Variants in VGLL4 observed in about 807,000 individuals in gnomAD.
VGLL4 encodes the protein transcription cofactor vestigial-like protein 4.
A neutral mutation model predicts 21.0 loss-of-function variants in VGLL4; 7 were observed. That is an observed-to-expected ratio of 0.33 (90% confidence interval 0.19 to 0.63). VGLL4 has a LOEUF of 0.63. Among genes scored for constraint, VGLL4 ranks in the 20% least tolerant of loss-of-function variants. VGLL4 has a pLI of 0.78. For missense variants in VGLL4, 394 were observed against 425.7 expected (o/e 0.93, Z 0.66); for synonymous variants, 222 against 173.2 (o/e 1.28, Z -2.21).
intron 2 of VGLL4, among the ~76,000 whole-genome samples, chr3:11,660,501 C>A (rs777504927): frequency 1.3e-5 from 2 of 152,198 alleles, no homozygotes; most frequent in Non-Finnish European, 2.9e-5. Flanking sequence ...ATTGTCAATG[C>A]CAGCTTCTAC....
At chr3:11,654,900 A>G (rs1437881980) in intron 2 of VGLL4, among the ~76,000 whole-genome samples, 2 of 152,242 alleles carry the variant, frequency 1.3e-5, no homozygotes, top group Non-Finnish European at 2.9e-5. Flanking sequence ...GTTTTTGTTG[A>G]AAAATATTCA....
chr3:11,579,841 CT>C (rs2074176146), intron 2 of VGLL4, among the ~76,000 whole-genome samples: 1 of 152,070 alleles, frequency 6.6e-6, no homozygotes, highest in Admixed American at 6.6e-5. Flanking sequence ...CGCATCACAT[CT>C]GTCGATTATT....
chr3:11,585,445 A>AAAG, intron 2 of VGLL4, among the ~76,000 whole-genome samples: 1 of 151,110 alleles, frequency 6.6e-6, no homozygotes. Flanking sequence ...AAAAAAAAAA[A>AAAG]AGAGAGAGAG....
intron 2 of VGLL4, among the ~76,000 whole-genome samples, chr3:11,689,624 T>G (rs995890248): frequency 1.3e-5 from 2 of 152,226 alleles, no homozygotes; most frequent in Non-Finnish European, 2.9e-5. Flanking sequence ...TCTTTCATAC[T>G]ATTTATTCTC....
intron 1 of VGLL4, among the ~76,000 whole-genome samples, chr3:11,704,321 T>C (rs1427560330): frequency 7.1e-6 from 1 of 140,414 alleles, no homozygotes; most frequent in Non-Finnish European, 1.5e-5. Flanking sequence ...AGGCAGAGGT[T>C]GCGGTGAGCC....
chr3:11,595,564 T>C lies in VGLL4; in HGVS notation c.272+6269A>G, dbSNP rs1344547303. 2.6e-5 allele frequency among the ~76,000 whole-genome samples: 4 copies of C among 151,814 alleles called. No homozygotes were observed. The East Asian group carries it at 5.8e-4, about 22-fold the overall frequency. On this transcript the variant is annotated intron_variant, in intron 2 of 4. Transcript: ENST00000430365. ...ATGTTTATTGCAGCACTATTCACAA[T>C]AGCAAAGACTTGGAACCAACCCAAA... is the stretch of plus-strand genomic sequence containing the variant.
intron 2 of VGLL4, among the ~76,000 whole-genome samples, chr3:11,569,595 A>T (rs984867085): frequency 6.6e-6 from 1 of 152,232 alleles, no homozygotes; most frequent in Non-Finnish European, 1.5e-5. Flanking sequence ...AGGGCCAGTG[A>T]GTGGGCCGGG....
intron 2 of VGLL4, among the ~76,000 whole-genome samples, chr3:11,600,371 A>T (rs1202341614): frequency 1.4e-5 from 1 of 72,564 alleles, no homozygotes; most frequent in East Asian, 3.4e-4. Flanking sequence ...AAAGAAAAAG[A>T]AAAAAAAAAA....
chr3:11,649,597 C>T (rs1373885027), intron 2 of VGLL4, among the ~76,000 whole-genome samples: 1 of 152,176 alleles, frequency 6.6e-6, no homozygotes, highest in Non-Finnish European at 1.5e-5. Context: ...CATGATATCT[C>T]CTTTTGATTT....
intron 4 of VGLL4, among the ~76,000 whole-genome samples, chr3:11,559,047 G>A (rs1387813726): frequency 3.3e-5 from 5 of 152,218 alleles, no homozygotes; most frequent in Non-Finnish European, 7.3e-5. Flanking sequence ...CAGAGTCCGA[G>A]TTCAGAAAGA....
chr3:11,690,212 CCTTTT>C, intron 2 of VGLL4, among the ~76,000 whole-genome samples: 1 of 152,018 alleles, frequency 6.6e-6, no homozygotes, highest in Non-Finnish European at 1.5e-5. Flanking sequence ...TTTTTGTTTT[CCTTTT>C]GTCAATATAA....
At chr3:11,652,400 C>T (rs565350013) in intron 2 of VGLL4, among the ~76,000 whole-genome samples, 19 of 151,976 alleles carry the variant, frequency 1.3e-4, no homozygotes, top group Non-Finnish European at 2.1e-4. Context: ...CTAAAAAGTG[C>T]AGACTGGGAA....
At chr3:11,604,451 A>G in intron 1 of VGLL4, 1 of 957,282 alleles carries the variant, frequency 1.0e-6, no homozygotes, top group Non-Finnish European at 1.2e-6. Flanking sequence ...ATCCGCACAT[A>G]AGGTCAGGGA....
chr3:11,559,250 G>A, intron 4 of VGLL4, 82 bp downstream of exon 4: 1 of 1,456,724 alleles, frequency 6.9e-7, no homozygotes, highest in Middle Eastern at 1.8e-4. Flanking sequence ...AGGGGCGAGA[G>A]GTTTCAGCCA....
chr3:11,692,427 CTT>C (rs1358959729), intron 2 of VGLL4, among the ~76,000 whole-genome samples: 3 of 152,132 alleles, frequency 2.0e-5, no homozygotes, highest in South Asian at 2.1e-4. Flanking sequence ...TTTATGAAGC[CTT>C]TTGAATTAGA....
intron 1 of VGLL4, among the ~76,000 whole-genome samples, chr3:11,717,852 T>C (rs747524157): frequency 5.3e-5 from 8 of 152,200 alleles, no homozygotes; most frequent in Non-Finnish European, 8.8e-5. Context: ...CTGTGATGTA[T>C]TGGAACTAAT....
intron 3 of VGLL4, among the ~76,000 whole-genome samples, chr3:11,560,745 G>GC (rs1488047236): frequency 2.0e-5 from 3 of 152,146 alleles, no homozygotes; most frequent in Non-Finnish European, 2.9e-5. Context: ...TTTCTTAGTG[G>GC]CCCGACACTT....
intron 1 of VGLL4, among the ~76,000 whole-genome samples, chr3:11,642,855 C>T (rs1311332537): frequency 6.6e-6 from 1 of 152,178 alleles, no homozygotes; most frequent in Non-Finnish European, 1.5e-5. Context: ...CAGCGCTCCC[C>T]GGGCTGCACA....
chr3:11,663,304 T>C (rs1187534743), intron 2 of VGLL4, among the ~76,000 whole-genome samples: 2 of 152,130 alleles, frequency 1.3e-5, no homozygotes, highest in Non-Finnish European at 1.5e-5. Flanking sequence ...AAAACAAAGT[T>C]TGAAGTCCAG....
Sources: gnomAD v4.1 joint callset for allele counts (sites outside exome capture counted in the v4.1 genomes callset) on GRCh38, gnomAD v4.1.1 for gene constraint, MANE v1.5 for transcripts, NCBI Gene and HGNC (gene_info 2026-07-23, HGNC 2026-07-21) for gene names.